The following ZNF185 variants were observed in gnomAD, a reference collection of about 807,000 sequenced individuals.
ZNF185 encodes zinc finger protein 185.
Under a neutral mutation model 58.6 loss-of-function variants are expected in ZNF185, and 56 were observed. The ratio of observed to expected loss-of-function variants is 0.95; its 90% CI spans 0.77 to 1.19. The LOEUF (loss-of-function observed/expected upper bound fraction) is 1.19. Among genes scored for constraint, ZNF185 ranks in the 50% most tolerant of loss-of-function variants. The pLI is 0.00. For synonymous variants in ZNF185, 230 were observed against 215.9 expected, an observed-to-expected ratio of 1.07 and a Z score of -0.57; for missense variants, 627 against 573.5, an observed-to-expected ratio of 1.09 and a Z score of -0.95.
chrX:152,967,110 A>G, intron 19 of ZNF185, 57 bp from the exon 22 acceptor site: 7 of 1,075,304 alleles, frequency 6.5e-6, no homozygotes, highest in Non-Finnish European at 9.0e-6. Flanking sequence ...AAAATTAACT[A>G]TGATAGTGAT....
chrX:152,899,161 G>A, the ZNF185 span, among the ~76,000 whole-genome samples: 1 of 112,205 alleles, frequency 8.9e-6, no homozygotes, highest in Non-Finnish European at 1.9e-5. Context: ...CCCCGAGAGA[G>A]GGCCTCTCAC....
exon 23 of ZNF185, chrX:152,972,717 G>A (rs1274936492): frequency 1.8e-5 from 2 of 111,257 alleles, no homozygotes; most frequent in Non-Finnish European, 3.8e-5. Context: ...ATGGAAACTC[G>A]TTGGATGGCT....
At chrX:152,933,087 T>A (rs1469208212) in intron 14 of ZNF185, 116 bp downstream of exon 15, 5 of 444,312 alleles carry the variant, frequency 1.1e-5, no homozygotes, top group Non-Finnish European at 1.9e-5. Flanking sequence ...ATGGCTCCTG[T>A]CTACTGCTTC....
At chrX:152,928,379 G>A (rs1941273002) in intron 11 of ZNF185, among the ~76,000 whole-genome samples, 196 bp from the exon 13 acceptor site, 1 of 112,367 alleles carries the variant, frequency 8.9e-6, no homozygotes, top group Admixed American at 9.4e-5. Context: ...CAGGTCAGGG[G>A]TGGGAGACCG....
intron 11 of ZNF185, among the ~76,000 whole-genome samples, chrX:152,926,008 G>A (rs1010547608): frequency 2.7e-5 from 3 of 112,029 alleles, no homozygotes; most frequent in Non-Finnish European, 3.8e-5. Context: ...ACCCCTTCTC[G>A]GCCCCCAGGC....
chrX:152,917,052 G>A (rs1938627655), intron 3 of ZNF185, 79 bp from the exon 5 acceptor site: 9 of 1,176,176 alleles, frequency 7.7e-6, no homozygotes, highest in East Asian at 6.0e-5. Context: ...ATTTGCTATC[G>A]TTAAGGGCAG....
chrX:152,957,037 T>G (rs1470782277), intron 16 of ZNF185, among the ~76,000 whole-genome samples: 1 of 110,487 alleles, frequency 9.1e-6, no homozygotes, highest in Non-Finnish European at 1.9e-5. Flanking sequence ...CCTTTTAAAT[T>G]TAGTATTATC....
At chrX:152,942,769 A>G (rs959104708) in intron 15 of ZNF185, among the ~76,000 whole-genome samples, 12 of 111,136 alleles carry the variant, frequency 1.1e-4, no homozygotes, top group Non-Finnish European at 7.5e-5. Flanking sequence ...ACATTTCCTC[A>G]CCACTGGCAA....
At chrX:152,934,783 A>G (rs1442833065) in intron 14 of ZNF185, among the ~76,000 whole-genome samples, 1 of 111,542 alleles carries the variant, frequency 9.0e-6, no homozygotes, top group African/African-American at 3.3e-5. Context: ...CAGCCATCCT[A>G]TTTTAATTAT....
At chrX:152,966,758 C>T (rs1034530150) in intron 19 of ZNF185, among the ~76,000 whole-genome samples, 2 of 111,616 alleles carry the variant, frequency 1.8e-5, no homozygotes, top group African/African-American at 6.5e-5. Flanking sequence ...AACTCCAAAC[C>T]CGTCTGCACC....
chrX:152,899,158 A>G, the ZNF185 span, among the ~76,000 whole-genome samples: 5 of 112,008 alleles, frequency 4.5e-5, no homozygotes, highest in African/African-American at 1.6e-4. Flanking sequence ...GAGCCCCGAG[A>G]GAGGGCCTCT....
chrX:152,963,336 G>A (rs2049747672), intron 17 of ZNF185, among the ~76,000 whole-genome samples: 1 of 112,955 alleles, frequency 8.9e-6, no homozygotes, highest in South Asian at 3.6e-4. Flanking sequence ...CGCCTCTGCT[G>A]GGAATGAGGT....
At chrX:152,909,868 C>T (rs1362868554), upstream of ZNF185, among the ~76,000 whole-genome samples, 1 of 110,450 alleles carries the variant, frequency 9.1e-6, no homozygotes, top group South Asian at 3.9e-4. Context: ...TCCTCACCTC[C>T]CATCCTTCCT....
At chrX:152,935,048 T>C (rs1295266648) in intron 14 of ZNF185, among the ~76,000 whole-genome samples, 2 of 110,784 alleles carry the variant, frequency 1.8e-5, no homozygotes, top group Non-Finnish European at 3.8e-5. Flanking sequence ...GGTTTGGAAC[T>C]CCTGGGCTCA....
At chrX:152,963,815 C>T in intron 17 of ZNF185, 24 bp from the exon 20 acceptor site, 1 of 1,193,931 alleles carries the variant, frequency 8.4e-7, no homozygotes, top group Non-Finnish European at 1.1e-6. Context: ...TTGACGTGCC[C>T]ACCCCTCCCT....
upstream of ZNF185, among the ~76,000 whole-genome samples, chrX:152,912,467 T>C (rs1377088118): frequency 8.9e-6 from 1 of 111,951 alleles, no homozygotes; most frequent in Non-Finnish European, 1.9e-5. Flanking sequence ...AATGTGGCCA[T>C]CAGGTTTGAC....
chrX:152,942,144 C>T (rs2047293140), intron 15 of ZNF185, among the ~76,000 whole-genome samples: 1 of 112,420 alleles, frequency 8.9e-6, no homozygotes, highest in South Asian at 3.6e-4. Context: ...GATGAGGGAG[C>T]GCCATGGGGG....
chrX:152,933,467 A>G (rs1347892773), intron 14 of ZNF185, among the ~76,000 whole-genome samples: 1 of 111,865 alleles, frequency 8.9e-6, no homozygotes, highest in African/African-American at 3.2e-5. Flanking sequence ...AGGGAGAGGA[A>G]AAGCGGTAGC....
chrX:152,925,130 AAAAAAAT>A (rs1198705832), intron 11 of ZNF185, among the ~76,000 whole-genome samples: 2 of 111,908 alleles, frequency 1.8e-5, no homozygotes, highest in African/African-American at 6.5e-5. Context: ...CCATCTCTAC[AAAAAAAT>A]AAAAAATAAA....
Sources: allele counts gnomAD v4.1 joint callset (sites outside exome capture counted in the v4.1 genomes callset), GRCh38; gene constraint gnomAD v4.1.1; transcripts MANE v1.5; gene names NCBI Gene and HGNC (gene_info 2026-07-23, HGNC 2026-07-21).